HSD11B1: variants seen among roughly 807,000 people sequenced by gnomAD.
The protein encoded by HSD11B1 is hydroxysteroid 11-beta dehydrogenase 1, also known as 11-beta-hydroxysteroid dehydrogenase 1.
In HSD11B1, 15 loss-of-function variants were observed where a neutral mutation model predicts 22.1. The observed-to-expected ratio is 0.68, with a 90% confidence interval of 0.45 to 1.04. The LOEUF (loss-of-function observed/expected upper bound fraction) is 1.04, where lower values mean the gene tolerates loss of function less well. HSD11B1 is among the 50% of genes least tolerant of loss of function. HSD11B1 has a pLI of 0.00. For synonymous variants in HSD11B1, 122 were observed against 125.2 expected (o/e 0.97, Z 0.17); for missense variants, 281 against 357.6 (o/e 0.79, Z 1.73).
rs1015577238 is a variant in HSD11B1, at chr1:209,717,871, CA to C, written c.517+10765del. Among the ~76,000 whole-genome samples the C allele has an allele frequency of 8.9e-3, 353 of 39,622 alleles. 1 individual carries two copies. Among genetic ancestry groups the C allele is most frequent in the Middle Eastern group, 0.025 (2 of 80 alleles). 26.0% of individuals were successfully genotyped at this position (39,622 alleles called of 152,430 possible). On this transcript the variant is annotated intron_variant, in intron 4 of 5. Transcript: ENST00000367027. ...TGGGAGACAGGGTTAGACTCCATCT[CA>C]AAAAAAAAAAAAAAAAAAAAAGGAA...
At chr1:209,730,483 T>A (rs571631485) in intron 4 of HSD11B1, among the ~76,000 whole-genome samples, 1 of 152,328 alleles carries the variant, frequency 6.6e-6, no homozygotes, top group East Asian at 1.9e-4. Context: ...TCTGTTAGAT[T>A]TCTCATTGAC....
chr1:209,722,142 G>A (rs944787505), intron 4 of HSD11B1, among the ~76,000 whole-genome samples: 4 of 152,122 alleles, frequency 2.6e-5, no homozygotes, highest in African/African-American at 9.7e-5. Context: ...TTTTATTCTT[G>A]CCTTAGAAGA....
rs1470653965 is a variant in HSD11B1 at position 209,706,651 on chromosome 1, G to A, written c.220-58G>A. 5.9e-6 allele frequency: 7 copies of A among 1,176,708 alleles called. No homozygotes were observed. The highest frequency in any genetic ancestry group is 6.4e-6 in the Non-Finnish European group (5 of 783,018). The allele number at this position is 1,176,708 out of a possible 1,614,324, so 72.9% of individuals were successfully genotyped here. On this transcript the variant is annotated intron_variant, in intron 2 of 5. Transcript: ENST00000367027. This position sits in a 1 kb window ranked among gnomAD's most constrained non-coding sequence, Gnocchi z 4.0. Reference sequence around the variant, plus strand: ...CATTTAAGCCCCCCGTTACTTCAGAGACTACCCCCCAAAAATCTGCAGCTA... The same window carrying A: ...CATTTAAGCCCCCCGTTACTTCAGAAACTACCCCCCAAAAATCTGCAGCTA...
chr1:209,711,984 A>C (rs556194670), intron 4 of HSD11B1, among the ~76,000 whole-genome samples: 2 of 152,326 alleles, frequency 1.3e-5, no homozygotes, highest in African/African-American at 4.8e-5. Flanking sequence ...GGCTGAACTT[A>C]GGTAGTTGAG....
chr1:209,694,580 T>C (rs1216248961), intron 1 of HSD11B1, among the ~76,000 whole-genome samples: 1 of 152,134 alleles, frequency 6.6e-6, no homozygotes. Context: ...AAAGCTGTAA[T>C]AGGTAGTTTG....
chr1:209,711,355 C>A (rs932570969), intron 4 of HSD11B1, among the ~76,000 whole-genome samples: 1 of 152,112 alleles, frequency 6.6e-6, no homozygotes, highest in East Asian at 1.9e-4. Context: ...TCCCAAACTC[C>A]AGATTATGAA....
chr1:209,730,241 G>A (rs1438128041), intron 4 of HSD11B1, among the ~76,000 whole-genome samples: 2 of 152,192 alleles, frequency 1.3e-5, no homozygotes, highest in Admixed American at 6.5e-5. Flanking sequence ...AATAGTTTAG[G>A]GCTGCTTTTG....
chr1:209,729,051 T>C (rs1296079784), intron 4 of HSD11B1, among the ~76,000 whole-genome samples: 3 of 152,056 alleles, frequency 2.0e-5, no homozygotes, highest in Non-Finnish European at 2.9e-5. Context: ...CCTAAAATAA[T>C]AGTGGATTCA....
chr1:209,723,056 G>A (rs1291383643), intron 4 of HSD11B1, among the ~76,000 whole-genome samples: 1 of 152,122 alleles, frequency 6.6e-6, no homozygotes, highest in Non-Finnish European at 1.5e-5. Context: ...GCATTTCTGG[G>A]ACAGAGCTAA....
At chr1:209,732,685 G>T (rs1437604796) in intron 5 of HSD11B1, 106 bp downstream of exon 5, 2 of 939,434 alleles carry the variant, frequency 2.1e-6, no homozygotes, top group Non-Finnish European at 3.4e-6. Flanking sequence ...TGCCATGTTG[G>T]TGTGCTGCAC....
At chr1:209,724,488 A>C (rs1431060623) in intron 4 of HSD11B1, among the ~76,000 whole-genome samples, 1 of 152,214 alleles carries the variant, frequency 6.6e-6, no homozygotes, top group African/African-American at 2.4e-5. Context: ...ACCTCCCTTC[A>C]GAACGTGGAA....
rs760654300 is a variant in HSD11B1, at chr1:209,706,892, T to C, written c.332-51T>C. On this transcript the variant is annotated intron_variant, in intron 3 of 5. Coordinates refer to ENST00000367027, the MANE Select transcript of HSD11B1 (RefSeq NM_005525.4). The surrounding 1 kb of genome is among the most constrained non-coding windows in gnomAD (Gnocchi z 4.0). ...TCACCAAGAGCTTTTGGGAGGAGAA[T>C]GGGAAAGGTATCAACCCCAGATGAT... The C allele has an allele frequency of 1.2e-6, 2 of 1,609,308 alleles. No homozygotes were observed. The highest frequency in any genetic ancestry group is 1.7e-6 in the Non-Finnish European group (2 of 1,175,530).
intron 4 of HSD11B1, among the ~76,000 whole-genome samples, chr1:209,729,216 A>T (rs558877103): frequency 1.3e-5 from 2 of 152,158 alleles, no homozygotes; most frequent in East Asian, 3.9e-4. Flanking sequence ...AAAATTAGCC[A>T]GGTTTGGTAG....
upstream of HSD11B1, among the ~76,000 whole-genome samples, chr1:209,703,522 A>G (rs1184408059): frequency 6.6e-6 from 1 of 152,060 alleles, no homozygotes; most frequent in Non-Finnish European, 1.5e-5. Flanking sequence ...ACTGTTCTCA[A>G]ATCTCCATTG....
intron 4 of HSD11B1, among the ~76,000 whole-genome samples, chr1:209,722,548 G>T (rs1447446211): frequency 1.3e-5 from 2 of 152,170 alleles, no homozygotes; most frequent in Non-Finnish European, 2.9e-5. Context: ...CAATACTTAT[G>T]ATGACACCTC....
chr1:209,726,091 G>T (rs2076999206), intron 4 of HSD11B1, among the ~76,000 whole-genome samples: 1 of 151,840 alleles, frequency 6.6e-6, no homozygotes, highest in Non-Finnish European at 1.5e-5. Context: ...GACCATCCTG[G>T]CCAACACAGT....
Position 209,734,363 on chromosome 1 carries a change from T to C in HSD11B1, c.721T>C (p.Cys241Arg), listed in dbSNP as rs1420046056. 7 of 1,614,024 alleles carry C rather than the reference T, an allele frequency of 4.3e-6. No individual in the cohort carries two copies. Among genetic ancestry groups the C allele is most frequent in the Non-Finnish European group, 5.9e-6 (7 of 1,180,004 alleles). Residue 241 changes from cysteine (C) to arginine (R), a missense_variant, in exon 6 of 6, where the codon TGT becomes CGT. Physicochemically the swap from Cys to Arg is radical, Grantham distance 180 (BLOSUM62 -3). Coordinates refer to ENST00000367027, the MANE Select transcript of HSD11B1 (RefSeq NM_005525.4). ...VHMQAAPKEECALEIIKGGAL... is the reference protein window; with the variant it reads ...VHMQAAPKEERALEIIKGGAL... ...TATGCAAGCAGCTCCAAAGGAGGAA[T>C]GTGCCCTGGAGATCATCAAAGGGGG...
chr1:209,720,181 C>T (rs1571881665), intron 4 of HSD11B1, among the ~76,000 whole-genome samples: 1 of 151,994 alleles, frequency 6.6e-6, no homozygotes, highest in African/African-American at 2.4e-5. Flanking sequence ...AGTAATTTTA[C>T]AGAAGAGAAA....
chr1:209,709,494 C>T (rs139538095), intron 4 of HSD11B1, among the ~76,000 whole-genome samples: 67 of 152,290 alleles, frequency 4.4e-4, no homozygotes, highest in African/African-American at 1.4e-3. Context: ...GCTACTGTAA[C>T]GAAGACCCGA....
Sources: gnomAD v4.1 joint callset for allele counts (sites outside exome capture counted in the v4.1 genomes callset) on GRCh38, gnomAD v4.1.1 for gene constraint, Gnocchi (gnomAD v3.1) non-coding constraint, MANE v1.5 for transcripts, NCBI Gene and HGNC (gene_info 2026-07-23, HGNC 2026-07-21) for gene names.